The following P2RX5 variants were observed in gnomAD, a reference collection of about 807,000 sequenced individuals.
P2RX5 encodes P2X purinoceptor 5.
A neutral mutation model predicts 54.1 loss-of-function variants in P2RX5; 46 were observed. The ratio of observed to expected loss-of-function variants is 0.85; its 90% CI spans 0.67 to 1.09. The LOEUF is 1.09. Among genes scored for constraint, P2RX5 ranks in the 50% least tolerant of loss-of-function variants. The pLI, the probability that P2RX5 is intolerant of heterozygous loss-of-function variation, is 0.00. For synonymous variants in P2RX5, 226 were observed against 226.4 expected, an observed-to-expected ratio of 1.00 and a Z score of 0.02; for missense variants, 566 against 549.8, an observed-to-expected ratio of 1.03 and a Z score of -0.29.
At chr17:3,694,725 G>C (rs1352554181) in intron 1 of P2RX5, among the ~76,000 whole-genome samples, 2 of 152,200 alleles carry the variant, frequency 1.3e-5, no homozygotes, top group Admixed American at 6.5e-5. Flanking sequence ...ATTCATTCAT[G>C]CGTTCATTTC....
intron 8 of P2RX5, 134 bp from the exon 9 acceptor site, chr17:3,688,239 C>T: frequency 1.5e-6 from 1 of 688,044 alleles, no homozygotes; most frequent in Non-Finnish European, 2.6e-6. Flanking sequence ...GAGTGGCTTG[C>T]AGACCTTCTC....
intron 10 of P2RX5, among the ~76,000 whole-genome samples, chr17:3,681,639 C>T (rs1281492670): frequency 1.3e-5 from 2 of 152,254 alleles, no homozygotes; most frequent in Non-Finnish European, 2.9e-5. Flanking sequence ...CCCGGGGAGG[C>T]CTGGGACTTG....
intron 11 of P2RX5, among the ~76,000 whole-genome samples, chr17:3,675,111 A>AC (rs1431655026): frequency 2.0e-5 from 3 of 151,928 alleles, no homozygotes; most frequent in African/African-American, 7.3e-5. Context: ...ACGATCTTGG[A>AC]TCACTGCAAC....
chr17:3,702,152 C>T, the P2RX5 span, among the ~76,000 whole-genome samples: 16 of 146,108 alleles, frequency 1.1e-4, no homozygotes, highest in East Asian at 2.0e-4. Context: ...TCTGTAAAAA[C>T]GCACCAATCA....
At chr17:3,699,095 C>CACACACACACACACATATA (rs60173844), upstream of P2RX5, among the ~76,000 whole-genome samples, 40 of 100,190 alleles carry the variant, frequency 4.0e-4, 1 homozygote, top group African/African-American at 1.7e-3. Flanking sequence ...ACACACACAC[C>CACACACACACACACATATA]TATATATATA....
At chr17:3,693,564 C>T (rs1458357447) in intron 1 of P2RX5, among the ~76,000 whole-genome samples, 7 of 151,958 alleles carry the variant, frequency 4.6e-5, no homozygotes, top group African/African-American at 7.3e-5. Flanking sequence ...GGTGAAACTC[C>T]GTGTCTACTA....
At chr17:3,703,523 T>G in the P2RX5 span, among the ~76,000 whole-genome samples, 2 of 151,480 alleles carry the variant, frequency 1.3e-5, no homozygotes, top group Non-Finnish European at 2.9e-5. Context: ...GAGGGATACT[T>G]TAAAAAAAAA....
upstream of P2RX5, among the ~76,000 whole-genome samples, chr17:3,698,901 G>A (rs569856372): frequency 9.9e-5 from 15 of 152,010 alleles, no homozygotes; most frequent in African/African-American, 2.7e-4. Context: ...ATTACTGGGC[G>A]ACAACCAGCA....
chr17:3,723,047 AGACGTGGG>A, the P2RX5 span, among the ~76,000 whole-genome samples: 1 of 152,220 alleles, frequency 6.6e-6, no homozygotes, highest in Non-Finnish European at 1.5e-5. Flanking sequence ...CTGCTGGAAT[AGACGTGGG>A]GATGTAGGAA....
intron 11 of P2RX5, chr17:3,677,181 G>T: frequency 1.0e-6 from 1 of 985,298 alleles, no homozygotes; most frequent in Non-Finnish European, 1.2e-6. Flanking sequence ...AGGGGAATGA[G>T]GGCCTCCCTA....
chr17:3,707,226 C>G, the P2RX5 span, among the ~76,000 whole-genome samples: 1 of 152,084 alleles, frequency 6.6e-6, no homozygotes, highest in Non-Finnish European at 1.5e-5. Context: ...GACCGGTGTT[C>G]ACTGTAGAAT....
chr17:3,700,674 C>T (rs558994859), upstream of P2RX5, among the ~76,000 whole-genome samples: 15 of 152,120 alleles, frequency 9.9e-5, no homozygotes, highest in Non-Finnish European at 2.1e-4. Flanking sequence ...ATGTGACCTC[C>T]CATGTTGGAG....
chr17:3,719,383 G>C, the P2RX5 span, among the ~76,000 whole-genome samples: 1 of 152,056 alleles, frequency 6.6e-6, no homozygotes. Context: ...TAGCAATCCA[G>C]CATCACTCTC....
rs1298048956 is a variant in P2RX5 at position 3,676,836 on chromosome 17, C to A, written c.1259+2754G>T. ...CAGCACTTTGGGAGGCCAAGGCTGGCGGATCACCTGAAGTCAGGAGTTGGA... is the reference window on the plus strand; with the variant it reads ...CAGCACTTTGGGAGGCCAAGGCTGGAGGATCACCTGAAGTCAGGAGTTGGA... On this transcript the variant is annotated intron_variant, in intron 11 of 11. Transcript: ENST00000225328. Among the ~76,000 whole-genome samples, 3 of 152,172 alleles carry A rather than the reference C, an allele frequency of 2.0e-5. 1 individual carries two copies. Among genetic ancestry groups the A allele is most frequent in the Admixed American group, 1.3e-4 (2 of 15,270 alleles).
intron 11 of P2RX5, chr17:3,677,987 C>T: frequency 1.0e-6 from 1 of 985,452 alleles, no homozygotes; most frequent in Non-Finnish European, 1.2e-6. Flanking sequence ...CTGTCTCATG[C>T]AGGCACAGAC....
the P2RX5 span, chr17:3,723,780 A>G: frequency 6.2e-7 from 1 of 1,601,524 alleles, no homozygotes; most frequent in Non-Finnish European, 8.5e-7. Flanking sequence ...GCGCTGAACA[A>G]ACCAAGCCGC....
chr17:3,721,446 AT>A, the P2RX5 span, among the ~76,000 whole-genome samples: 27 of 147,552 alleles, frequency 1.8e-4, no homozygotes, highest in African/African-American at 6.3e-4. Context: ...TAATTTATGT[AT>A]TTATTTATTT....
chr17:3,699,095 C>CACACACACACACACATA (rs60173844), upstream of P2RX5, among the ~76,000 whole-genome samples: 200 of 100,248 alleles, frequency 2.0e-3, 5 homozygotes, highest in African/African-American at 3.9e-3. Flanking sequence ...ACACACACAC[C>CACACACACACACACATA]TATATATATA....
chr17:3,674,739 A>C (rs949985411), intron 11 of P2RX5, among the ~76,000 whole-genome samples: 4 of 152,170 alleles, frequency 2.6e-5, no homozygotes, highest in Non-Finnish European at 5.9e-5. Context: ...TCTTACCTGG[A>C]ATGCTTCCCC....
Sources: gnomAD v4.1 joint callset for allele counts (sites outside exome capture counted in the v4.1 genomes callset) on GRCh38, gnomAD v4.1.1 for gene constraint, MANE v1.5 for transcripts, NCBI Gene and HGNC (gene_info 2026-07-23, HGNC 2026-07-21) for gene names.